Variants in ERBIN observed in about 807,000 individuals in gnomAD.
The protein encoded by ERBIN is densin-180-like protein.
A neutral mutation model predicts 158.4 loss-of-function variants in ERBIN; 60 were observed. The observed-to-expected ratio is 0.38, with a 90% confidence interval of 0.31 to 0.47. ERBIN has a LOEUF of 0.47. Among genes scored for constraint, ERBIN ranks in the 20% least tolerant of loss-of-function variants. ERBIN has a pLI of 0.99. For missense variants in ERBIN, 1,610 were observed against 1,648.0 expected (o/e 0.98, Z 0.40); for synonymous variants, 594 against 557.2 (o/e 1.07, Z -0.93).
At chr5:66,056,591 G>A (rs182593180) in intron 21 of ERBIN, among the ~76,000 whole-genome samples, 20 of 151,872 alleles carry the variant, frequency 1.3e-4, no homozygotes, top group Admixed American at 8.5e-4. Context: ...TTCACGGTAC[G>A]GGTTCTTGAA....
rs752545229 is a variant in ERBIN, at chr5:66,009,739, C to G, written c.308-2310C>G. Among the ~76,000 whole-genome samples the G allele has an allele frequency of 5.9e-5, 9 of 152,252 alleles. No individual in the cohort carries two copies. In the South Asian group the frequency reaches 1.9e-3, roughly 32 times the overall value. On this transcript the variant is annotated intron_variant, in intron 4 of 25. Coordinates refer to ENST00000284037, the MANE Select transcript of ERBIN (RefSeq NM_001253697.2). ...AGTTTGTTTTACCAGTAAGAAAATT[C>G]CTGTCTCCCATCTTCAAAAGAAACA...
intron 21 of ERBIN, among the ~76,000 whole-genome samples, chr5:66,057,930 A>G (rs547288393): frequency 2.0e-5 from 3 of 148,404 alleles, no homozygotes; most frequent in African/African-American, 5.3e-5. Context: ...AATCCAGTCT[A>G]TCATTGTTGG....
chr5:66,017,046 G>GAAT (rs1754822464), intron 7 of ERBIN, among the ~76,000 whole-genome samples: 1 of 152,002 alleles, frequency 6.6e-6, no homozygotes, highest in African/African-American at 2.4e-5. Context: ...TTTTATGGCT[G>GAAT]AATAATATTC....
Position 66,054,257 on chromosome 5 carries a change from A to C in ERBIN, c.2939A>C (p.Gln980Pro). 6.2e-7 allele frequency: 1 copy of C among 1,614,088 alleles called. No individual in the cohort carries two copies. Among genetic ancestry groups the C allele is most frequent in the Non-Finnish European group, 8.5e-7 (1 of 1,179,954 alleles). The change falls in exon 21 of 26, where the codon CAA (glutamine) becomes CCA (proline). Residue 980 changes from glutamine to proline, a missense_variant. Gln to Pro is a moderately conservative substitution (Grantham distance 76, BLOSUM62 -1). Coordinates refer to ENST00000284037, the MANE Select transcript of ERBIN (RefSeq NM_001253697.2). ...QIYGPPQYNI[Q>P]YSSSAAVKDT... The stretch of plus-strand genomic sequence containing the variant: ...TATGGTCCTCCACAGTATAATATCC[A>C]ATACAGTAGCAGTGCTGCAGTCAAA...
At chr5:66,012,848 G>A (rs1357376112) in intron 5 of ERBIN, among the ~76,000 whole-genome samples, 2 of 152,110 alleles carry the variant, frequency 1.3e-5, no homozygotes, top group East Asian at 3.8e-4. Context: ...GTTGTTACAT[G>A]GCCCTAACGT....
At chr5:65,969,285 A>G (rs370182717) in intron 1 of ERBIN, among the ~76,000 whole-genome samples, 5 of 152,346 alleles carry the variant, frequency 3.3e-5, no homozygotes, top group African/African-American at 1.2e-4. Context: ...ACTCTTATGT[A>G]TCTTCAATAG....
chr5:65,952,257 T>C (rs1303219755), intron 1 of ERBIN, among the ~76,000 whole-genome samples: 1 of 152,172 alleles, frequency 6.6e-6, no homozygotes, highest in African/African-American at 2.4e-5. Flanking sequence ...TATATTCTAT[T>C]AATCTGGGGG....
Position 65,927,725 on chromosome 5 carries a change from G to T in ERBIN, c.-58+919G>T, listed in dbSNP as rs141484863. ...TTTTTGTGTTGTCCCAAATGTTTTT[G>T]GTCGGTTCTGCATAAATAGTGATAG... is the stretch of plus-strand genomic sequence containing the variant. On this transcript the variant is annotated intron_variant, in intron 1 of 25. Transcript: ENST00000284037. Among the ~76,000 whole-genome samples the T allele has an allele frequency of 4.4e-3, 665 of 152,254 alleles. 5 individuals are homozygous for T. The highest frequency in any genetic ancestry group is 0.015 in the African/African-American group (642 of 41,528).
At position 66,054,596 on chromosome 5, in the gene ERBIN, C is replaced by G. The variant is rs747727899; in HGVS notation, c.3278C>G (p.Ser1093Cys). The change falls in exon 21 of 26, where the codon TCT (serine) becomes TGT (cysteine). Residue 1093 changes from serine to cysteine, a missense_variant. Ser to Cys is a moderately radical substitution (Grantham distance 112). Transcript: ENST00000284037. ...TASVNLGDPG[S>C]TRRAQIPEGD... ...TCTGTAAATCTTGGTGATCCAGGCT[C>G]TACAAGGCGGGCTCAGATTCCTGAA... 3 of 1,614,140 alleles carry G rather than the reference C, an allele frequency of 1.9e-6. No individual in the cohort carries two copies. In the East Asian group the frequency reaches 6.7e-5, roughly 36 times the overall value.
At chr5:66,028,518 G>T (rs1344847606) in intron 14 of ERBIN, among the ~76,000 whole-genome samples, 175 bp downstream of exon 14, 1 of 152,020 alleles carries the variant, frequency 6.6e-6, no homozygotes. Context: ...TATAAAATAG[G>T]TGTAGATTTA....
Position 65,992,743 on chromosome 5 carries a change from G to T in ERBIN, c.25G>T (p.Val9Leu), listed in dbSNP as rs1027538616. 16 of 1,599,360 alleles carry T rather than the reference G, an allele frequency of 1.0e-5. No individual in the cohort carries two copies. The highest frequency in any genetic ancestry group is 2.7e-5 in the African/African-American group (2 of 73,932). The part of the protein sequence containing the change: MTTKRSLF[V>L]RLVPCRCLRG... ...AATGACTACAAAACGAAGTTTGTTT[G>T]TGCGGTTGGTACCATGTCGCTGTCT... is the stretch of plus-strand genomic sequence containing the variant. The change falls in exon 3 of 26, where the codon GTG (valine) becomes TTG (leucine). Residue 9 changes from valine (V) to leucine (L), a missense_variant. Physicochemically the swap from Val to Leu is conservative, Grantham distance 32 (BLOSUM62 1). Coordinates refer to ENST00000284037, the MANE Select transcript of ERBIN (RefSeq NM_001253697.2).
intron 4 of ERBIN, among the ~76,000 whole-genome samples, chr5:65,996,831 A>G (rs1331885241): frequency 1.3e-5 from 2 of 152,054 alleles, no homozygotes; most frequent in African/African-American, 4.8e-5. Flanking sequence ...TTCAGTGTAT[A>G]TGTCTTTTAC....
At chr5:66,029,564 T>TCTCTTCTGTC (rs1756628469) in intron 14 of ERBIN, among the ~76,000 whole-genome samples, 2 of 151,544 alleles carry the variant, frequency 1.3e-5, no homozygotes, top group African/African-American at 4.9e-5. Context: ...TCTGTTCTGT[T>TCTCTTCTGTC]CTGTTCTGTC....
intron 9 of ERBIN, 114 bp from the exon 10 acceptor site, chr5:66,024,192 T>C (rs1453759480): frequency 1.4e-6 from 1 of 700,148 alleles, no homozygotes; most frequent in Non-Finnish European, 2.3e-6. Context: ...GGAGTCTTCT[T>C]TCTTGTATTA....
At chr5:65,964,947 ATTTT>A (rs772634145) in intron 1 of ERBIN, among the ~76,000 whole-genome samples, 75 of 75,638 alleles carry the variant, frequency 9.9e-4, no homozygotes, top group African/African-American at 5.6e-3. Flanking sequence ...TGTGTGTGTA[ATTTT>A]TTTTTTTTTT....
rs2151205109 is a variant in ERBIN, at chr5:66,044,150, A to T, written c.1442A>T (p.Lys481Ile). Reference sequence around the variant, plus strand: ...TTATTTCTCTAGGAGGGAAATTTAAAAAGATATCCAACACCATACCCAGAT... The same window carrying T: ...TTATTTCTCTAGGAGGGAAATTTAATAAGATATCCAACACCATACCCAGAT... ...REAPPREGNL[K>I]RYPTPYPDEL... The change falls in exon 17 of 26, where the codon AAA becomes ATA. Residue 481 changes from lysine to isoleucine, a missense_variant. Transcript: ENST00000284037. The T allele has an allele frequency of 6.5e-7, 1 of 1,549,332 alleles. No homozygotes were observed. The highest frequency in any genetic ancestry group is 8.7e-7 in the Non-Finnish European group (1 of 1,155,610).
At position 66,048,716 on chromosome 5, in the gene ERBIN, G is replaced by C; in HGVS notation, c.1838G>C (p.Arg613Pro). Residue 613 changes from arginine (R) to proline (P), a missense_variant, in exon 19 of 26, where the codon CGA becomes CCA. Transcript: ENST00000284037. ...GAAGAGATGAAAATGGCGGAGATGC[G>C]ACCACCATTAATTGAAACCTCTATT... Reference protein sequence around the residue: ...SDEEMKMAEMRPPLIETSINQ... With the variant: ...SDEEMKMAEMPPPLIETSINQ... The C allele has an allele frequency of 6.2e-7, 1 of 1,608,082 alleles. No homozygotes were observed. Among genetic ancestry groups the C allele is most frequent in the South Asian group, 1.1e-5 (1 of 89,606 alleles).
chr5:65,949,694 A>G (rs959424407), intron 1 of ERBIN, among the ~76,000 whole-genome samples: 1 of 152,238 alleles, frequency 6.6e-6, no homozygotes, highest in Admixed American at 6.5e-5. Flanking sequence ...ATTTATCAAA[A>G]CTAAGAAATT....
At chr5:66,000,487 T>C (rs6893324) in intron 4 of ERBIN, among the ~76,000 whole-genome samples, 6,113 of 152,242 alleles carry the variant, frequency 0.04, 416 homozygotes, top group African/African-American at 0.14. Flanking sequence ...TTGAAAACTT[T>C]TAAACAATTA....
Sources: gnomAD v4.1 joint callset for allele counts (sites outside exome capture counted in the v4.1 genomes callset) on GRCh38, gnomAD v4.1.1 for gene constraint, MANE v1.5 for transcripts, NCBI Gene and HGNC (gene_info 2026-07-23, HGNC 2026-07-21) for gene names.